Variants in TENM3 observed in about 807,000 individuals in gnomAD.
TENM3 encodes the protein teneurin transmembrane protein 3.
In TENM3, 63 loss-of-function variants were observed where a neutral mutation model predicts 255.1. That is an observed-to-expected ratio of 0.25 (90% CI 0.20 to 0.30). The LOEUF is 0.30. Ranked by LOEUF, TENM3 falls within the 10% of genes least tolerant of loss-of-function variation. The pLI is 1.00. For synonymous variants in TENM3, 1,306 were observed against 1,322.3 expected, an observed-to-expected ratio of 0.99 and a Z score of 0.27; for missense variants, 2,929 against 3,461.1, an observed-to-expected ratio of 0.85 and a Z score of 3.86.
rs572622210 is a variant in TENM3 at position 182,655,139 on chromosome 4, T to G, written c.1111+1246T>G. 1.1e-4 allele frequency among the ~76,000 whole-genome samples: 17 copies of G among 152,304 alleles called. No homozygotes were observed. The South Asian group carries it at 3.3e-3, about 30-fold the overall frequency. On this transcript the variant is annotated intron_variant, in intron 6 of 27. Transcript: ENST00000511685. The stretch of plus-strand genomic sequence containing the variant: ...AATTTCAATTACCTTTTTTATACAT[T>G]AATAACATATATAAACAAAATGAGT...
At chr4:182,774,690 G>T (rs1260443996) in intron 23 of TENM3, among the ~76,000 whole-genome samples, 1 of 152,158 alleles carries the variant, frequency 6.6e-6, no homozygotes, top group Non-Finnish European at 1.5e-5. Flanking sequence ...CTATTAAACT[G>T]CAGAAGGACT....
At chr4:182,175,259 C>G (rs1186400641) in intron 1 of TENM3, among the ~76,000 whole-genome samples, 8 of 148,400 alleles carry the variant, frequency 5.4e-5, no homozygotes, top group Admixed American at 5.4e-4. Flanking sequence ...TGAGATGAGT[C>G]TCCTTTTTAC....
the TENM3 span, among the ~76,000 whole-genome samples, chr4:181,492,173 G>C: frequency 6.6e-6 from 1 of 152,162 alleles, no homozygotes; most frequent in South Asian, 2.1e-4. Flanking sequence ...ATTTATGCAC[G>C]TGAGAAGGTC....
chr4:182,189,282 G>A (rs1167247124), intron 1 of TENM3, among the ~76,000 whole-genome samples: 1 of 151,108 alleles, frequency 6.6e-6, no homozygotes, highest in African/African-American at 2.4e-5. Flanking sequence ...GGATTAAGTG[G>A]GTATGATTGC....
chr4:182,770,926 A>G (rs17330237), intron 22 of TENM3, among the ~76,000 whole-genome samples: 23,878 of 152,176 alleles, frequency 0.16, 2,144 homozygotes, highest in Non-Finnish European at 0.18. Context: ...GCTACTCCTT[A>G]GAAGGCACAA....
chr4:182,089,695 G>A, the TENM3 span, among the ~76,000 whole-genome samples: 1 of 152,228 alleles, frequency 6.6e-6, no homozygotes, highest in Admixed American at 6.5e-5. Flanking sequence ...CAGGTCCTGG[G>A]TATAGTGCAT....
At chr4:182,213,958 C>T (rs574402192) in intron 1 of TENM3, among the ~76,000 whole-genome samples, 65 of 152,054 alleles carry the variant, frequency 4.3e-4, no homozygotes, top group Admixed American at 2.3e-3. Flanking sequence ...CCCGCCACCA[C>T]GCCTGGCTAA....
At chr4:182,075,489 C>T in the TENM3 span, among the ~76,000 whole-genome samples, 3 of 152,130 alleles carry the variant, frequency 2.0e-5, no homozygotes, top group African/African-American at 4.8e-5. Flanking sequence ...TGAGCCACCA[C>T]GCTCAGCCGA....
chr4:181,476,410 T>C, the TENM3 span, among the ~76,000 whole-genome samples: 3 of 152,278 alleles, frequency 2.0e-5, no homozygotes, highest in Non-Finnish European at 4.4e-5. Context: ...CAGTCAGTTA[T>C]GGACGTGCAA....
chr4:181,848,888 C>T, the TENM3 span, among the ~76,000 whole-genome samples: 2 of 152,038 alleles, frequency 1.3e-5, no homozygotes, highest in Non-Finnish European at 2.9e-5. Context: ...AACCTTTTTG[C>T]TTCTGGAATT....
At chr4:182,285,871 C>A (rs895038159) in intron 1 of TENM3, among the ~76,000 whole-genome samples, 1 of 152,064 alleles carries the variant, frequency 6.6e-6, no homozygotes, top group Admixed American at 6.5e-5. Context: ...AAAAAATAAG[C>A]CTTTAAACAA....
chr4:182,766,635 A>G (rs1763741437), intron 22 of TENM3, among the ~76,000 whole-genome samples: 1 of 152,298 alleles, frequency 6.6e-6, no homozygotes, highest in Middle Eastern at 3.4e-3. Context: ...TTCTGTGACC[A>G]TCTATCACTA....
chr4:181,587,287 CT>C, the TENM3 span, among the ~76,000 whole-genome samples: 6 of 152,236 alleles, frequency 3.9e-5, no homozygotes, highest in African/African-American at 1.2e-4. Flanking sequence ...GGCTGGGCAC[CT>C]TTTAGCCATT....
chr4:182,405,927 G>C lies in TENM3; in HGVS notation c.511+58998G>C, dbSNP rs17073247. 7.3e-3 allele frequency among the ~76,000 whole-genome samples: 1,115 copies of C among 152,282 alleles called. 14 individuals are homozygous for C. Among genetic ancestry groups the C allele is most frequent in the African/African-American group, 0.025 (1,051 of 41,558 alleles). On this transcript the variant is annotated intron_variant, in intron 3 of 27. Coordinates refer to ENST00000511685, the MANE Select transcript of TENM3 (RefSeq NM_001080477.4). ...AGGGAGCCTCTGGGTTTGCAAAGAT[G>C]AGCCATCACTGGAGATGCTGGTGTG...
intron 4 of TENM3, among the ~76,000 whole-genome samples, chr4:182,607,425 A>C (rs1004891223): frequency 1.2e-4 from 19 of 152,300 alleles, no homozygotes; most frequent in African/African-American, 4.3e-4. Context: ...CCAGACTGTT[A>C]ATTTTGTTCT....
intron 5 of TENM3, among the ~76,000 whole-genome samples, chr4:182,632,529 C>T (rs748480161): frequency 2.0e-5 from 3 of 152,144 alleles, no homozygotes; most frequent in Non-Finnish European, 4.4e-5. Context: ...TCTTCTCATA[C>T]ATTTATTGGC....
the TENM3 span, among the ~76,000 whole-genome samples, chr4:181,924,344 AC>A: frequency 3.3e-5 from 5 of 152,036 alleles, no homozygotes; most frequent in Non-Finnish European, 7.4e-5. Context: ...TTTGTTTCTG[AC>A]CCAGGAGTCT....
At chr4:182,230,011 G>A (rs1023528162) in intron 1 of TENM3, among the ~76,000 whole-genome samples, 17 of 151,652 alleles carry the variant, frequency 1.1e-4, no homozygotes, top group Admixed American at 6.6e-5. Flanking sequence ...AGATCTCAAA[G>A]CATGTGTGAA....
intron 3 of TENM3, among the ~76,000 whole-genome samples, chr4:182,512,008 A>G (rs997653506): frequency 6.6e-6 from 1 of 152,214 alleles, no homozygotes; most frequent in African/African-American, 2.4e-5. Context: ...GTAGCAAAAG[A>G]AGACTCTACC....
Sources: gnomAD v4.1 joint callset for allele counts (sites outside exome capture counted in the v4.1 genomes callset) on GRCh38, gnomAD v4.1.1 for gene constraint, MANE v1.5 for transcripts, NCBI Gene and HGNC (gene_info 2026-07-23, HGNC 2026-07-21) for gene names.